Variants in GPHN observed in about 807,000 individuals in gnomAD.
GPHN encodes the protein gephyrin.
In GPHN, 17 loss-of-function variants were observed where a neutral mutation model predicts 95.5. The ratio of observed to expected loss-of-function variants is 0.18; its 90% confidence interval spans 0.12 to 0.27. GPHN has a LOEUF of 0.27. Ranked by LOEUF, GPHN falls within the 10% of genes least tolerant of loss-of-function variation. The pLI, the probability that GPHN is intolerant of heterozygous loss-of-function variation, is 1.00. For synonymous variants in GPHN, 320 were observed against 322.5 expected, an observed-to-expected ratio of 0.99 and a Z score of 0.08; for missense variants, 660 against 978.1, an observed-to-expected ratio of 0.67 and a Z score of 4.34.
At chr14:67,058,900 A>G (rs1213098641) in intron 11 of GPHN, 114 bp downstream of exon 11, 17 of 943,406 alleles carry the variant, frequency 1.8e-5, no homozygotes, top group Non-Finnish European at 2.7e-5. Flanking sequence ...CCATTATTAC[A>G]GTTATCATCA....
chr14:66,755,809 C>G (rs1207765234), intron 2 of GPHN, among the ~76,000 whole-genome samples: 1 of 152,048 alleles, frequency 6.6e-6, no homozygotes, highest in African/African-American at 2.4e-5. Flanking sequence ...ATGCATTGTG[C>G]TTTCTCTAAA....
chr14:67,134,321 G>A (rs2079907993), intron 17 of GPHN, among the ~76,000 whole-genome samples: 1 of 152,140 alleles, frequency 6.6e-6, no homozygotes, highest in Non-Finnish European at 1.5e-5. Context: ...TCTTTCATCT[G>A]TTAGCCCTAA....
chr14:67,575,759 C>A, the GPHN span: 1 of 1,234,260 alleles, frequency 8.1e-7, no homozygotes, highest in Non-Finnish European at 1.2e-6. Flanking sequence ...CCTATGTATT[C>A]AGAGAGAGGA....
At chr14:67,361,092 A>G in the GPHN span, among the ~76,000 whole-genome samples, 1 of 152,226 alleles carries the variant, frequency 6.6e-6, no homozygotes, top group Non-Finnish European at 1.5e-5. Context: ...TGTGTTAAGC[A>G]TATGTTAGGT....
At chr14:66,678,395 T>G (rs1049679000) in intron 1 of GPHN, among the ~76,000 whole-genome samples, 5 of 151,980 alleles carry the variant, frequency 3.3e-5, no homozygotes, top group African/African-American at 9.7e-5. Flanking sequence ...TTTTTTAATT[T>G]TAATCATTGA....
intron 2 of GPHN, among the ~76,000 whole-genome samples, chr14:66,694,244 G>A (rs971905189): frequency 1.3e-5 from 2 of 152,052 alleles, no homozygotes; most frequent in South Asian, 4.1e-4. Context: ...CACCATATGC[G>A]ATTATAGCCA....
At chr14:67,333,148 T>G in the GPHN span, 9 of 493,174 alleles carry the variant, frequency 1.8e-5, no homozygotes, top group Non-Finnish European at 3.2e-5. Context: ...TCCTTTATTC[T>G]CTATACATGG....
In GPHN at chr14:66,543,113, AG is replaced by A. The variant is rs571822116; in HGVS notation, c.64+34528del. Among the ~76,000 whole-genome samples the A allele has an allele frequency of 2.6e-5, 4 of 152,266 alleles. No individual in the cohort carries two copies. In the South Asian group the frequency reaches 8.3e-4, roughly 32 times the overall value. ...ACAACTCTGTCAGTATACAGTACCA[AG>A]GGGGGTTGGTGCTAAAATTAATTCA... On this transcript the variant is annotated intron_variant, in intron 1 of 22. Coordinates refer to ENST00000478722, the MANE Select transcript of GPHN (RefSeq NM_020806.5).
In GPHN at chr14:66,965,276, G is replaced by T; in HGVS notation, c.914G>T (p.Arg305Leu). Residue 305 changes from arginine to leucine, a missense_variant, in exon 9 of 23, where the codon CGT becomes CTT. Physicochemically the swap from Arg to Leu is moderately radical, Grantham distance 102. Around this residue, in one of 6 missense-constraint regions of GPHN, gnomAD observed 190 missense variants for 224.7 expected, o/e 0.85. Coordinates refer to ENST00000478722, the MANE Select transcript of GPHN (RefSeq NM_020806.5). ...SLSTTPSESP[R>L]AQATSRLSTA... ...AGCACTACTCCTTCAGAATCGCCTC[G>T]TGCTCAGGCTACATCTCGCCTCTCT... is the stretch of plus-strand genomic sequence containing the variant. 2 of 1,613,374 alleles carry T rather than the reference G, an allele frequency of 1.2e-6. No individual in the cohort carries two copies. Among genetic ancestry groups the T allele is most frequent in the South Asian group, 1.1e-5 (1 of 91,032 alleles).
chr14:66,556,882 TA>T (rs1197885266), intron 1 of GPHN, among the ~76,000 whole-genome samples: 3 of 152,014 alleles, frequency 2.0e-5, no homozygotes, highest in Non-Finnish European at 4.4e-5. Context: ...TTGCTACACA[TA>T]CTAATTAAAA....
intron 1 of GPHN, among the ~76,000 whole-genome samples, chr14:66,608,641 G>A (rs1016825645): frequency 5.3e-5 from 8 of 152,028 alleles, no homozygotes; most frequent in Non-Finnish European, 1.2e-4. Flanking sequence ...AGGTCAAAAA[G>A]GACTTGTTTT....
At chr14:66,518,129 G>GA (rs1164225036) in intron 1 of GPHN, among the ~76,000 whole-genome samples, 6 of 116,398 alleles carry the variant, frequency 5.2e-5, no homozygotes, top group East Asian at 5.0e-4. Flanking sequence ...AAATAACCCA[G>GA]AAAAAAACAA....
chr14:67,221,961 C>A, the GPHN span: 1 of 907,512 alleles, frequency 1.1e-6, no homozygotes, highest in Non-Finnish European at 1.6e-6. Flanking sequence ...TCTGAGAATC[C>A]TATACTGAAG....
At chr14:66,540,769 T>C (rs2059325614) in intron 1 of GPHN, among the ~76,000 whole-genome samples, 2 of 152,162 alleles carry the variant, frequency 1.3e-5, no homozygotes, top group South Asian at 4.2e-4. Context: ...GTATAAAATA[T>C]TTTTACTTAT....
the GPHN span, among the ~76,000 whole-genome samples, chr14:67,400,194 T>G: frequency 6.6e-6 from 1 of 152,306 alleles, no homozygotes. Context: ...CAAACAGAAT[T>G]TACTGTGACA....
chr14:67,473,700 A>G, the GPHN span: 1 of 1,594,854 alleles, frequency 6.3e-7, no homozygotes, highest in African/African-American at 1.3e-5. This position sits in a 1 kb window ranked among gnomAD's most constrained non-coding sequence, Gnocchi z 6.5. Flanking sequence ...GAGGCAGCGC[A>G]GGAGCAGCGG....
chr14:67,691,014 T>C, the GPHN span: 3 of 707,180 alleles, frequency 4.2e-6, no homozygotes, highest in South Asian at 5.0e-5. Context: ...ACCAAACTAT[T>C]ATGCACACAT....
chr14:67,685,203 G>T, the GPHN span: 14 of 1,609,874 alleles, frequency 8.7e-6, no homozygotes, highest in Non-Finnish European at 9.3e-6. Context: ...TAACGCCAGA[G>T]CCTGGTTGGG....
At chr14:67,240,069 C>T in the GPHN span, among the ~76,000 whole-genome samples, 3 of 152,140 alleles carry the variant, frequency 2.0e-5, no homozygotes, top group African/African-American at 7.2e-5. Context: ...TCGAAGCCTA[C>T]TGAGAAATTT....
Sources: allele counts gnomAD v4.1 joint callset (sites outside exome capture counted in the v4.1 genomes callset), GRCh38; gene constraint gnomAD v4.1.1; regional missense constraint gnomAD v4.1.1; non-coding constraint Gnocchi (gnomAD v3.1); transcripts MANE v1.5; gene names NCBI Gene and HGNC (gene_info 2026-07-23, HGNC 2026-07-21).